TRMT9B: variants seen among roughly 807,000 people sequenced by gnomAD.
TRMT9B encodes the protein tRNA methyltransferase 9B (putative), also known as probable tRNA methyltransferase 9B.
In TRMT9B, 16 loss-of-function variants were observed where a neutral mutation model predicts 11.5. The observed-to-expected ratio is 1.39, with a 90% confidence interval of 0.94 to 2.11. TRMT9B has a LOEUF of 2.11. Ranked by LOEUF, TRMT9B falls within the 30% of genes most tolerant of loss-of-function variation. The probability of loss-of-function intolerance (pLI) is 0.00; values close to 1 mark genes in which losing one functional copy is unlikely to be tolerated. For missense variants in TRMT9B, 941 were observed against 553.8 expected (o/e 1.70, Z -7.02); for synonymous variants, 274 against 192.4 (o/e 1.42, Z -3.51).
chr8:12,990,473 T>C (rs1447635950), intron 1 of TRMT9B, among the ~76,000 whole-genome samples: 1 of 152,178 alleles, frequency 6.6e-6, no homozygotes, highest in Non-Finnish European at 1.5e-5. Flanking sequence ...GCAGTCCAAT[T>C]GTACTGGAAT....
intron 1 of TRMT9B, among the ~76,000 whole-genome samples, chr8:12,989,767 A>C (rs553012870): frequency 6.6e-6 from 1 of 152,332 alleles, no homozygotes; most frequent in East Asian, 1.9e-4. Flanking sequence ...CTTATAATTA[A>C]GGTAGGCTCT....
chr8:12,976,416 T>A (rs1328740662), intron 1 of TRMT9B, among the ~76,000 whole-genome samples: 1 of 152,034 alleles, frequency 6.6e-6, no homozygotes, highest in Non-Finnish European at 1.5e-5. Flanking sequence ...GCAGCAACGT[T>A]GTGTGAGATA....
chr8:12,972,316 G>A (rs113176602), intron 1 of TRMT9B, among the ~76,000 whole-genome samples: 126 of 152,292 alleles, frequency 8.3e-4, no homozygotes, highest in Middle Eastern at 3.4e-3. Context: ...GCCGGCTGGT[G>A]CGGAGACTTT....
chr8:12,966,157 CCA>C (rs1802790982), intron 1 of TRMT9B, among the ~76,000 whole-genome samples: 1 of 151,910 alleles, frequency 6.6e-6, no homozygotes, highest in African/African-American at 2.4e-5. Context: ...AAGACCCCCC[CCA>C]TCTCTACAGA....
At chr8:13,009,612 T>C (rs1369592262) in intron 3 of TRMT9B, among the ~76,000 whole-genome samples, 1 of 152,152 alleles carries the variant, frequency 6.6e-6, no homozygotes, top group Admixed American at 6.5e-5. Flanking sequence ...GAGAGTGTGA[T>C]GGGTAATTTC....
chr8:12,950,206 C>A (rs554717912), intron 1 of TRMT9B, among the ~76,000 whole-genome samples: 1 of 152,276 alleles, frequency 6.6e-6, no homozygotes, highest in African/African-American at 2.4e-5. Flanking sequence ...TTCCAGGATG[C>A]CTTCCCTGAC....
Position 13,025,536 on chromosome 8 carries a change from C to G in TRMT9B, c.*3492C>G. ...CCATCTCCAACAAAACAAAACTTTG[C>G]TGGCTTCCTGATGCCTCACTGTCTA... On this transcript the variant is annotated 3_prime_UTR_variant, in exon 5 of 5. Transcript: ENST00000524591. 6.0e-6 allele frequency: 1 copy of G among 167,022 alleles called. No homozygotes were observed. Among genetic ancestry groups the G allele is most frequent in the East Asian group, 1.9e-4 (1 of 5,188 alleles). 10.3% of individuals were successfully genotyped at this position (167,022 alleles called of 1,614,324 possible).
chr8:12,968,710 G>A (rs992065475), intron 1 of TRMT9B, among the ~76,000 whole-genome samples: 2 of 152,150 alleles, frequency 1.3e-5, no homozygotes, highest in Admixed American at 1.3e-4. Context: ...GCCCCTCCCT[G>A]AGTCGCGAGA....
At chr8:13,013,400 T>A (rs1812021961) in intron 4 of TRMT9B, among the ~76,000 whole-genome samples, 1 of 152,176 alleles carries the variant, frequency 6.6e-6, no homozygotes, top group South Asian at 2.1e-4. Flanking sequence ...CTGCCAGAGA[T>A]CGTTCATGAG....
At chr8:12,992,312 A>G (rs1046624221) in intron 2 of TRMT9B, among the ~76,000 whole-genome samples, 2 of 152,116 alleles carry the variant, frequency 1.3e-5, no homozygotes, top group African/African-American at 4.8e-5. Context: ...TCATGACAGT[A>G]TCCGGAAAAA....
intron 4 of TRMT9B, among the ~76,000 whole-genome samples, chr8:13,020,260 T>C (rs1813565769): frequency 6.6e-6 from 1 of 152,178 alleles, no homozygotes; most frequent in Non-Finnish European, 1.5e-5. Flanking sequence ...AAGTTTTCTC[T>C]TGACACAATA....
chr8:13,006,537 T>G (rs1171038760), intron 3 of TRMT9B, 181 bp downstream of exon 3: 1 of 1,434,886 alleles, frequency 7.0e-7, no homozygotes, highest in Non-Finnish European at 9.1e-7. Context: ...TTCACATTGA[T>G]TTTTCATTTT....
At position 13,005,102 on chromosome 8, in the gene TRMT9B, A is replaced by AAAAT. The variant is rs1485191573; in HGVS notation, c.-1-1097_-1-1096insTAAA. 1.8e-4 allele frequency among the ~76,000 whole-genome samples: 27 copies of AAAAT among 148,136 alleles called. 1 individual carries two copies. The highest frequency in any genetic ancestry group is 7.1e-4 in the African/African-American group (27 of 37,858). Reference sequence around the variant, plus strand: ...CTGCATCTCAAAAAAAAAAAAAAAGAAAAAGAAAAGAAAAGAAATCCTGTC... The same window carrying AAAAT: ...CTGCATCTCAAAAAAAAAAAAAAAGAAAATAAAAGAAAAGAAAAGAAATCCTGTC... On this transcript the variant is annotated intron_variant, in intron 2 of 4. Transcript: ENST00000524591.
chr8:12,987,369 C>T (rs1246737081), intron 1 of TRMT9B, among the ~76,000 whole-genome samples: 2 of 152,116 alleles, frequency 1.3e-5, no homozygotes, highest in Non-Finnish European at 2.9e-5. Flanking sequence ...CCAATAAACC[C>T]ATTATAAGTT....
At chr8:12,959,658 T>G (rs989731416) in intron 1 of TRMT9B, among the ~76,000 whole-genome samples, 4 of 151,220 alleles carry the variant, frequency 2.6e-5, no homozygotes, top group Admixed American at 2.0e-4. Flanking sequence ...TAGCCGGGGC[T>G]ACAGGTTCAC....
At chr8:12,967,117 T>G (rs1159739051) in intron 1 of TRMT9B, among the ~76,000 whole-genome samples, 2 of 152,192 alleles carry the variant, frequency 1.3e-5, no homozygotes, top group Admixed American at 6.5e-5. Flanking sequence ...TTTACAAGTT[T>G]CATGTCCAAA....
chr8:12,976,980 C>T (rs1211748084), intron 1 of TRMT9B, among the ~76,000 whole-genome samples: 1 of 152,214 alleles, frequency 6.6e-6, no homozygotes, highest in South Asian at 2.1e-4. Flanking sequence ...CCTGCTCATG[C>T]CCCAGATGGA....
chr8:12,950,457 G>A (rs922272046), intron 1 of TRMT9B, among the ~76,000 whole-genome samples: 2 of 152,088 alleles, frequency 1.3e-5, no homozygotes, highest in Admixed American at 1.3e-4. Context: ...TGTAGCTCCA[G>A]TGAATGGAAG....
Position 12,972,729 on chromosome 8 carries a change from G to A in TRMT9B, c.-199-18105G>A, listed in dbSNP as rs62488992. Among the ~76,000 whole-genome samples the A allele has an allele frequency of 7.6e-3, 1,158 of 152,294 alleles. 4 individuals are homozygous for A. The highest frequency in any genetic ancestry group is 0.041 in the Middle Eastern group (12 of 294). On this transcript the variant is annotated intron_variant, in intron 1 of 4. Transcript: ENST00000524591. ...TGATAACAGGCATGGTCCCAAATAC[G>A]CTAGGTGACAATGACTCTCATGTTC... is the stretch of plus-strand genomic sequence containing the variant.
Sources: allele counts gnomAD v4.1 joint callset (sites outside exome capture counted in the v4.1 genomes callset), GRCh38; gene constraint gnomAD v4.1.1; transcripts MANE v1.5; gene names NCBI Gene and HGNC (gene_info 2026-07-23, HGNC 2026-07-21).